Variants in ANKRD31 observed in about 807,000 individuals in gnomAD.
The protein encoded by ANKRD31 is ankyrin repeat domain 31.
A neutral mutation model predicts 186.0 loss-of-function variants in ANKRD31; 147 were observed. The ratio of observed to expected loss-of-function variants is 0.79; its 90% CI spans 0.69 to 0.91. The LOEUF is 0.91. ANKRD31 is among the 40% of genes least tolerant of loss of function. ANKRD31 has a pLI of 0.00. For synonymous variants in ANKRD31, 673 were observed against 736.4 expected (o/e 0.91, Z 1.39); for missense variants, 1,986 against 2,148.8 (o/e 0.92, Z 1.50).
chr5:75,161,823 G>A (rs1752589722), intron 11 of ANKRD31, among the ~76,000 whole-genome samples: 1 of 152,246 alleles, frequency 6.6e-6, no homozygotes, highest in Non-Finnish European at 1.5e-5. Flanking sequence ...TGTGGCTTCA[G>A]AGGGTTCAAG....
chr5:75,100,878 A>G (rs1042840174), intron 22 of ANKRD31, among the ~76,000 whole-genome samples: 4 of 152,084 alleles, frequency 2.6e-5, no homozygotes, highest in African/African-American at 4.8e-5. Context: ...TCTTTATCCA[A>G]TTTGCCACTC....
chr5:75,159,304 CA>C, intron 11 of ANKRD31, among the ~76,000 whole-genome samples: 1 of 152,144 alleles, frequency 6.6e-6, no homozygotes, highest in South Asian at 2.1e-4. Flanking sequence ...AGAGAAAAAG[CA>C]GCAGAGAAAA....
chr5:75,106,869 G>C (rs1747365539), intron 21 of ANKRD31, among the ~76,000 whole-genome samples: 1 of 151,670 alleles, frequency 6.6e-6, no homozygotes, highest in Admixed American at 6.6e-5. Context: ...AATAAGTTCA[G>C]AAAAAAATTG....
chr5:75,147,271 G>C lies in ANKRD31; in HGVS notation c.2140C>G (p.Leu714Val), dbSNP rs1277992114. The C allele has an allele frequency of 5.2e-6, 8 of 1,535,828 alleles. No homozygotes were observed. The African/African-American group carries it at 1.1e-4, about 21-fold the overall frequency. ...IYSTGLRKGN[L>V]HNVKDPNTNV... ...GTGTTGGGATCTTTGACGTTATGGA[G>C]ATTGCCCTTTCTGAGTCCTGTAGAG... Residue 714 changes from leucine (L) to valine (V), a missense_variant, in exon 14 of 26, where the codon CTC becomes GTC. By Grantham distance (32) the Leu-to-Val change is conservative. Coordinates refer to ENST00000506364, the MANE Select transcript of ANKRD31 (RefSeq NM_001372053.1).
chr5:75,091,995 C>T (rs1745958222), intron 22 of ANKRD31, among the ~76,000 whole-genome samples: 1 of 152,078 alleles, frequency 6.6e-6, no homozygotes, highest in African/African-American at 2.4e-5. Flanking sequence ...TACTGCCTCC[C>T]CTCCACCGAA....
chr5:75,118,897 A>C (rs996283507), intron 17 of ANKRD31, among the ~76,000 whole-genome samples: 1 of 152,080 alleles, frequency 6.6e-6, no homozygotes, highest in African/African-American at 2.4e-5. Flanking sequence ...TAGGGTAGAA[A>C]AGTGGGGTAA....
Position 75,091,366 on chromosome 5 carries a change from A to C in ANKRD31, c.5367T>G (p.Gly1789=). Residue 1789 remains glycine (G), a synonymous_variant, in exon 23 of 26, where the codon GGT becomes GGG. Coordinates refer to ENST00000506364, the MANE Select transcript of ANKRD31 (RefSeq NM_001372053.1). ...TTHKASILLN[G]KLKVESGQIY... ...TCTGACCACTTTCTACCTTAAGTTT[A>C]CCATTCAATAAAATACTGGCTTTGT... is the stretch of plus-strand genomic sequence containing the variant. 1 of 1,537,004 alleles carries C rather than the reference A, an allele frequency of 6.5e-7. No homozygotes were observed. The highest frequency in any genetic ancestry group is 8.7e-7 in the Non-Finnish European group (1 of 1,146,844).
chr5:75,198,092 T>C lies in ANKRD31; in HGVS notation c.447+1539A>G, dbSNP rs1358880053. Among the ~76,000 whole-genome samples the C allele has an allele frequency of 5.3e-5, 8 of 152,110 alleles. 1 individual carries two copies. ...GAAACAGGTCTGCTAGTCAGAAAGA[T>C]TTGGTGTTAAAATCTGCCTAAATAT... On this transcript the variant is annotated intron_variant, in intron 6 of 25. Coordinates refer to ENST00000506364, the MANE Select transcript of ANKRD31 (RefSeq NM_001372053.1).
At chr5:75,185,586 T>A (rs1487980508) in intron 10 of ANKRD31, among the ~76,000 whole-genome samples, 1 of 151,748 alleles carries the variant, frequency 6.6e-6, no homozygotes, top group African/African-American at 2.4e-5. Context: ...AAATGAAGAA[T>A]AAGTGATGGT....
chr5:75,128,618 C>T (rs1276752150), intron 17 of ANKRD31, among the ~76,000 whole-genome samples: 1 of 151,604 alleles, frequency 6.6e-6, no homozygotes, highest in Non-Finnish European at 1.5e-5. Flanking sequence ...ATTCTCCTGC[C>T]TCAGCCTCCC....
chr5:75,107,778 T>C (rs1292133850), intron 20 of ANKRD31, among the ~76,000 whole-genome samples, 161 bp from the exon 21 acceptor site: 3 of 151,970 alleles, frequency 2.0e-5, no homozygotes, highest in African/African-American at 7.2e-5. Flanking sequence ...TATTTAACAA[T>C]GTCAATCTAT....
chr5:75,172,960 C>T (rs1042050095), intron 10 of ANKRD31, among the ~76,000 whole-genome samples: 2 of 152,098 alleles, frequency 1.3e-5, no homozygotes, highest in African/African-American at 2.4e-5. Context: ...ACCAATATCC[C>T]TGATGAACAT....
At chr5:75,123,574 A>T (rs1748965122) in intron 17 of ANKRD31, among the ~76,000 whole-genome samples, 1 of 152,116 alleles carries the variant, frequency 6.6e-6, no homozygotes, top group Admixed American at 6.6e-5. Context: ...AAAGCATGGT[A>T]CTGGCATAAA....
intron 15 of ANKRD31, 54 bp from the exon 16 acceptor site, chr5:75,139,037 A>T: frequency 6.6e-7 from 1 of 1,521,328 alleles, no homozygotes; most frequent in Non-Finnish European, 8.8e-7. Flanking sequence ...GATTGTTATA[A>T]AGGATCTTAG....
intron 17 of ANKRD31, among the ~76,000 whole-genome samples, chr5:75,137,404 T>C (rs377608591): frequency 6.6e-6 from 1 of 152,036 alleles, no homozygotes; most frequent in East Asian, 1.9e-4. Context: ...AACGGGTGCT[T>C]GATAAAGAAA....
intron 3 of ANKRD31, among the ~76,000 whole-genome samples, chr5:75,220,599 G>A (rs1297884760): frequency 1.3e-5 from 2 of 150,784 alleles, no homozygotes; most frequent in African/African-American, 2.4e-5. Context: ...CTGTGATCAT[G>A]TCATTGCACG....
At position 75,188,655 on chromosome 5, in the gene ANKRD31, TG is replaced by T; in HGVS notation, c.1409-8del. 6.6e-7 allele frequency: 1 copy of T among 1,524,148 alleles called. No individual in the cohort carries two copies. The highest frequency in any genetic ancestry group is 2.1e-5 in the Admixed American group (1 of 48,448). The allele number at this position is 1,524,148 out of a possible 1,614,324, so 94.4% of individuals were successfully genotyped here. A position where few individuals can be genotyped will look rare whatever the true frequency, so the allele number is the denominator to read the frequency against. ...TTGTTCACCTTCATTTTTTCTGAAA[TG>T]AGGGAATGAACAAAAGAAAAAAATC... On this transcript the variant is annotated splice_polypyrimidine_tract_variant and splice_region_variant and intron_variant, in intron 9 of 25. Transcript: ENST00000506364.
In ANKRD31 at chr5:75,195,836, G is replaced by A. The variant is rs1422549663; in HGVS notation, c.812C>T (p.Ala271Val). ...SISIPLNSWS[A>V]CHRDLLEDAK... Reference sequence around the variant, plus strand: ...ATCTTCTAGTAAATCTCTATGACATGCCGACCAGGAATTCAAAGGTATTGA... The same window carrying A: ...ATCTTCTAGTAAATCTCTATGACATACCGACCAGGAATTCAAAGGTATTGA... Residue 271 changes from alanine to valine, a missense_variant, in exon 7 of 26, where the codon GCA (alanine) becomes GTA (valine). Physicochemically the swap from Ala to Val is moderately conservative, Grantham distance 64 (BLOSUM62 0). Coordinates refer to ENST00000506364, the MANE Select transcript of ANKRD31 (RefSeq NM_001372053.1). 2.0e-6 allele frequency: 3 copies of A among 1,537,080 alleles called. No individual in the cohort carries two copies. Among genetic ancestry groups the A allele is most frequent in the African/African-American group, 1.4e-5 (1 of 73,008 alleles).
intron 18 of ANKRD31, among the ~76,000 whole-genome samples, chr5:75,117,292 T>C (rs1748376018): frequency 6.6e-6 from 1 of 152,144 alleles, no homozygotes; most frequent in Non-Finnish European, 1.5e-5. Context: ...ATGGGAACTT[T>C]CAGGTATAGC....
Sources: gnomAD v4.1 joint callset for allele counts (sites outside exome capture counted in the v4.1 genomes callset) on GRCh38, gnomAD v4.1.1 for gene constraint, MANE v1.5 for transcripts, NCBI Gene and HGNC (gene_info 2026-07-23, HGNC 2026-07-21) for gene names.